The following USP25 variants were observed in gnomAD, a reference collection of about 807,000 sequenced individuals.
USP25 encodes ubiquitin specific peptidase 25, also known as ubiquitin carboxyl-terminal hydrolase 25.
USP25 carries 85 observed loss-of-function variants against 158.5 expected under a neutral mutation model. The ratio of observed to expected loss-of-function variants is 0.54; its 90% CI spans 0.45 to 0.64. The LOEUF (loss-of-function observed/expected upper bound fraction) is 0.64. Among genes scored for constraint, USP25 ranks in the 30% least tolerant of loss-of-function variants. The pLI is 0.00. For missense variants in USP25, 1,242 were observed against 1,327.3 expected (o/e 0.94, Z 1.00); for synonymous variants, 464 against 460.4 (o/e 1.01, Z -0.10).
At chr21:15,858,566 T>C (rs2039271023) in intron 20 of USP25, among the ~76,000 whole-genome samples, 1 of 151,962 alleles carries the variant, frequency 6.6e-6, no homozygotes, top group Non-Finnish European at 1.5e-5. Flanking sequence ...TTTCTAATGG[T>C]TTTTCATTTT....
intron 6 of USP25, among the ~76,000 whole-genome samples, chr21:15,804,401 TTG>T (rs771281386): frequency 2.0e-5 from 3 of 151,324 alleles, no homozygotes; most frequent in Non-Finnish European, 4.4e-5. Context: ...AATTTAAATA[TTG>T]TGATTGAATT....
intron 1 of USP25, among the ~76,000 whole-genome samples, chr21:15,757,163 A>C (rs964913966): frequency 6.6e-6 from 1 of 152,170 alleles, no homozygotes. Flanking sequence ...ATACAGGAAA[A>C]ACACAACTGG....
intron 9 of USP25, among the ~76,000 whole-genome samples, chr21:15,817,859 G>GA (rs914749037): frequency 6.6e-6 from 1 of 152,130 alleles, no homozygotes; most frequent in African/African-American, 2.4e-5. Context: ...TTTAAGATGA[G>GA]ATTTGAGTGG....
intron 17 of USP25, among the ~76,000 whole-genome samples, chr21:15,834,713 C>T (rs2037977364): frequency 1.3e-5 from 2 of 152,068 alleles, no homozygotes; most frequent in South Asian, 4.2e-4. Flanking sequence ...TGATTTTGAT[C>T]CTGAGAGGCA....
At chr21:15,855,821 CAGTCTGTCCG>C (rs548947457) in intron 20 of USP25, among the ~76,000 whole-genome samples, 4 of 152,344 alleles carry the variant, frequency 2.6e-5, no homozygotes, top group African/African-American at 9.6e-5. Context: ...CCCATCACTA[CAGTCTGTCCG>C]TACCCAAAAG....
chr21:15,762,598 G>A (rs1212878280), intron 1 of USP25, among the ~76,000 whole-genome samples: 1 of 152,082 alleles, frequency 6.6e-6, no homozygotes, highest in Non-Finnish European at 1.5e-5. Context: ...GCATAAATGA[G>A]GGGATGAAGA....
chr21:15,841,778 T>C (rs1211193669), intron 17 of USP25, among the ~76,000 whole-genome samples: 1 of 152,170 alleles, frequency 6.6e-6, no homozygotes, highest in Non-Finnish European at 1.5e-5. Flanking sequence ...CTTTAGGTCA[T>C]GTAAGGATTT....
rs2123109475 is a variant in USP25 at position 15,730,051 on chromosome 21, G to C, written c.-343G>C. ...AGCAGCCCGCGGACCGGCAGCAAAG[G>C]AACGTGCGAACGCGTGACGCCGCCC... On this transcript the variant is annotated 5_prime_UTR_variant, in exon 1 of 26. Transcript: ENST00000400183. 6.6e-6 allele frequency: 1 copy of C among 151,814 alleles called. No individual in the cohort carries two copies. The highest frequency in any genetic ancestry group is 2.1e-4 in the South Asian group (1 of 4,836). The allele number at this position is 151,814 out of a possible 1,614,324, so 9.4% of individuals were successfully genotyped here. A position where few individuals can be genotyped will look rare whatever the true frequency, so the allele number is the denominator to read the frequency against.
rs115430098 is a variant in USP25, at chr21:15,804,020, C to T, written c.643-1101C>T. The stretch of plus-strand genomic sequence containing the variant: ...TCATGTTTAATATCTAAATTTTTTC[C>T]GTTAAAATTGTTATTATAAGAACTA... On this transcript the variant is annotated intron_variant, in intron 6 of 25. Transcript: ENST00000400183. Among the ~76,000 whole-genome samples, 1,407 of 151,788 alleles carry T rather than the reference C, an allele frequency of 9.3e-3. 24 individuals carry two copies. Among genetic ancestry groups the T allele is most frequent in the African/African-American group, 0.032 (1,333 of 41,418 alleles).
At chr21:15,760,154 TC>T (rs1436624275) in intron 1 of USP25, among the ~76,000 whole-genome samples, 1 of 152,236 alleles carries the variant, frequency 6.6e-6, no homozygotes, top group Non-Finnish European at 1.5e-5. Flanking sequence ...AAAATTCATT[TC>T]CCAATCTCCT....
At chr21:15,862,942 A>G (rs1441413051) in intron 20 of USP25, among the ~76,000 whole-genome samples, 1 of 152,004 alleles carries the variant, frequency 6.6e-6, no homozygotes, top group East Asian at 1.9e-4. Context: ...ATACAACCAT[A>G]TAGATCATAA....
chr21:15,736,496 T>G (rs2031533130), intron 1 of USP25, among the ~76,000 whole-genome samples: 1 of 152,320 alleles, frequency 6.6e-6, no homozygotes, highest in East Asian at 1.9e-4. Flanking sequence ...TATCCATTTA[T>G]TAGTCTTGTT....
intron 18 of USP25, among the ~76,000 whole-genome samples, chr21:15,846,152 AT>A (rs2038595291): frequency 3.4e-5 from 2 of 58,828 alleles, no homozygotes; most frequent in Admixed American, 3.6e-4. Flanking sequence ...ATATATATAT[AT>A]ATATATTTTT....
Position 15,745,859 on chromosome 21 carries a change from G to T in USP25, c.45+15421G>T, listed in dbSNP as rs187268277. ...AGAAGTTTTGCCATTTTAGGTTTAC[G>T]ATCCATTTGGAATTCATTTCTGTGT... is the stretch of plus-strand genomic sequence containing the variant. On this transcript the variant is annotated intron_variant, in intron 1 of 25. Coordinates refer to ENST00000400183, the MANE Select transcript of USP25 (RefSeq NM_001283041.3). Among the ~76,000 whole-genome samples the T allele has an allele frequency of 2.5e-3, 384 of 151,526 alleles. 5 individuals are homozygous for T. Among genetic ancestry groups the T allele is most frequent in the Middle Eastern group, 0.01 (3 of 294 alleles).
chr21:15,752,400 G>A (rs1178533629), intron 1 of USP25, among the ~76,000 whole-genome samples: 3 of 152,052 alleles, frequency 2.0e-5, no homozygotes. Context: ...ATTTTTAGTA[G>A]AGACTGGGTT....
At chr21:15,832,814 C>A (rs956834796) in intron 16 of USP25, among the ~76,000 whole-genome samples, 1 of 151,856 alleles carries the variant, frequency 6.6e-6, no homozygotes, top group African/African-American at 2.4e-5. Flanking sequence ...GTCAGGAGAT[C>A]GAGACCATCC....
chr21:15,755,225 C>T (rs781281214), intron 1 of USP25, among the ~76,000 whole-genome samples: 36 of 152,068 alleles, frequency 2.4e-4, no homozygotes, highest in Non-Finnish European at 4.0e-4. Context: ...TTGCGCCCCC[C>T]GCCTTACACC....
intron 19 of USP25, among the ~76,000 whole-genome samples, chr21:15,848,994 A>T (rs1403699198): frequency 6.9e-6 from 1 of 144,362 alleles, no homozygotes; most frequent in Non-Finnish European, 1.5e-5. Flanking sequence ...ATGAAAACAA[A>T]AAAAATGCTT....
chr21:15,849,832 G>C lies in USP25; in HGVS notation c.2507G>C (p.Ser836Thr). The C allele has an allele frequency of 6.5e-7, 1 of 1,544,618 alleles. No individual in the cohort carries two copies. The highest frequency in any genetic ancestry group is 8.7e-7 in the Non-Finnish European group (1 of 1,144,176). ...GIIMAIGKSR[S>T]VYDRCGPEAG... Reference sequence around the variant, plus strand: ...ATCATGGCGATAGGTAAATCCAGGAGTGTATATGACAGGTGTGGCCCTGAA... The same window carrying C: ...ATCATGGCGATAGGTAAATCCAGGACTGTATATGACAGGTGTGGCCCTGAA... Residue 836 changes from serine to threonine, a missense_variant, in exon 20 of 26, where the codon AGT (serine) becomes ACT (threonine). Around this residue, in one of 3 missense-constraint regions of USP25, gnomAD observed 608 missense variants for 605.2 expected, o/e 1.00. Transcript: ENST00000400183.
Sources: allele counts gnomAD v4.1 joint callset (sites outside exome capture counted in the v4.1 genomes callset), GRCh38; gene constraint gnomAD v4.1.1; regional missense constraint gnomAD v4.1.1; transcripts MANE v1.5; gene names NCBI Gene and HGNC (gene_info 2026-07-23, HGNC 2026-07-21).